Variants in PTPRD observed in about 807,000 individuals in gnomAD.
The protein encoded by PTPRD is protein tyrosine phosphatase receptor type D.
In PTPRD, 34 loss-of-function variants were observed where a neutral mutation model predicts 214.5. The ratio of observed to expected loss-of-function variants is 0.16; its 90% CI spans 0.12 to 0.21. PTPRD has a LOEUF of 0.21. Among genes scored for constraint, PTPRD ranks in the 10% least tolerant of loss-of-function variants. The probability of loss-of-function intolerance (pLI) is 1.00; values close to 1 mark genes in which losing one functional copy is unlikely to be tolerated. For synonymous variants in PTPRD, 1,128 were observed against 845.7 expected (o/e 1.33, Z -5.79); for missense variants, 2,545 against 2,398.7 (o/e 1.06, Z -1.27).
At chr9:9,791,151 G>T (rs2098964362) in intron 5 of PTPRD, among the ~76,000 whole-genome samples, 2 of 151,782 alleles carry the variant, frequency 1.3e-5, no homozygotes, top group African/African-American at 4.8e-5. Flanking sequence ...TTTTTGTTAT[G>T]CTGCATATAG....
chr9:9,178,860 C>T (rs910623826), intron 10 of PTPRD, among the ~76,000 whole-genome samples: 2 of 151,802 alleles, frequency 1.3e-5, no homozygotes, highest in Non-Finnish European at 2.9e-5. Flanking sequence ...TCTGGCCATA[C>T]AGTCTACATA....
chr9:10,204,915 A>G (rs1406544671), intron 3 of PTPRD, among the ~76,000 whole-genome samples: 1 of 152,156 alleles, frequency 6.6e-6, no homozygotes, highest in African/African-American at 2.4e-5. Flanking sequence ...TACTAAGGCT[A>G]TAGTCTGTGA....
At chr9:10,120,398 G>C (rs1013998447) in intron 3 of PTPRD, among the ~76,000 whole-genome samples, 1 of 151,818 alleles carries the variant, frequency 6.6e-6, no homozygotes, top group Non-Finnish European at 1.5e-5. Flanking sequence ...CACTTCATTG[G>C]TGAGGAAACT....
chr9:9,633,252 A>G (rs1379892151), intron 7 of PTPRD, among the ~76,000 whole-genome samples: 5 of 151,736 alleles, frequency 3.3e-5, no homozygotes, highest in African/African-American at 4.8e-5. Context: ...CCTAGATCAC[A>G]CCACTGCATT....
chr9:8,629,792 C>G (rs577206976), intron 14 of PTPRD, among the ~76,000 whole-genome samples: 2 of 151,782 alleles, frequency 1.3e-5, no homozygotes, highest in Non-Finnish European at 2.9e-5. Flanking sequence ...TCACCTCCCC[C>G]CTCTCCTACT....
chr9:8,380,112 C>A (rs1238438752), intron 37 of PTPRD, among the ~76,000 whole-genome samples: 2 of 151,986 alleles, frequency 1.3e-5, no homozygotes, highest in Non-Finnish European at 2.9e-5. Context: ...TTATAAATTA[C>A]CTAAATCAGT....
chr9:8,779,542 T>C (rs1470440859), intron 11 of PTPRD, among the ~76,000 whole-genome samples: 1 of 152,146 alleles, frequency 6.6e-6, no homozygotes, highest in African/African-American at 2.4e-5. Context: ...CTGTCATACA[T>C]ATTATTACAA....
chr9:8,525,870 G>A (rs78933253), intron 17 of PTPRD, among the ~76,000 whole-genome samples: 1,955 of 151,976 alleles, frequency 0.013, 16 homozygotes, highest in Non-Finnish European at 0.02. Context: ...ACACTGAGTC[G>A]AAGTATGAAA....
chr9:9,796,889 G>A (rs567071963), intron 5 of PTPRD, among the ~76,000 whole-genome samples: 2 of 152,214 alleles, frequency 1.3e-5, no homozygotes, highest in Admixed American at 1.3e-4. Context: ...TTGGAGAGAA[G>A]TATACACCAT....
At chr9:9,860,838 A>G (rs1361471481) in intron 5 of PTPRD, among the ~76,000 whole-genome samples, 14 of 152,224 alleles carry the variant, frequency 9.2e-5, no homozygotes, top group Admixed American at 9.2e-4. Context: ...CAAAGCACAA[A>G]ACAGAGATGT....
chr9:9,605,766 C>G (rs766350801), intron 7 of PTPRD, among the ~76,000 whole-genome samples: 1 of 151,944 alleles, frequency 6.6e-6, no homozygotes, highest in Non-Finnish European at 1.5e-5. Context: ...GTTACAAATG[C>G]TTGTTATTAT....
At chr9:9,419,570 T>C (rs1456113936) in intron 8 of PTPRD, among the ~76,000 whole-genome samples, 1 of 151,780 alleles carries the variant, frequency 6.6e-6, no homozygotes, top group Non-Finnish European at 1.5e-5. Context: ...CCCCAATATG[T>C]ATATTGTTTA....
intron 43 of PTPRD, among the ~76,000 whole-genome samples, chr9:8,337,117 T>C (rs888943457): frequency 6.6e-6 from 1 of 152,230 alleles, no homozygotes; most frequent in Non-Finnish European, 1.5e-5. Context: ...CAAAGGATTA[T>C]AAATCATTCT....
intron 22 of PTPRD, 142 bp downstream of exon 22, chr9:8,507,159 C>T (rs757744023): frequency 1.2e-5 from 11 of 921,424 alleles, no homozygotes; most frequent in Non-Finnish European, 1.7e-5. Flanking sequence ...GAGGGGGAGT[C>T]AAGTTCCTCT....
chr9:8,595,109 C>T (rs181645746), intron 14 of PTPRD, among the ~76,000 whole-genome samples: 179 of 151,244 alleles, frequency 1.2e-3, no homozygotes, highest in African/African-American at 3.8e-3. Context: ...ATGATCTGCC[C>T]GCCTCGGCCT....
At chr9:10,612,549 G>C (rs1323422425) in intron 1 of PTPRD, 44 bp from the exon 2 acceptor site, 4 of 152,258 alleles carry the variant, frequency 2.6e-5, no homozygotes, top group Non-Finnish European at 5.9e-5. Flanking sequence ...GTCAGGGTTT[G>C]GCTTTGGTGG....
rs534003318 is a variant in PTPRD, at chr9:9,678,567, A to G, written c.-287+55966T>C. Among the ~76,000 whole-genome samples the G allele has an allele frequency of 3.9e-5, 6 of 152,086 alleles. No individual in the cohort carries two copies. In the South Asian group the frequency reaches 8.3e-4, roughly 21 times the overall value. Reference sequence around the variant, plus strand: ...TTAGATACCTCAAAGATATTTAATAAAAATTATAGTGAACATCATTATTAA... The same window carrying G: ...TTAGATACCTCAAAGATATTTAATAGAAATTATAGTGAACATCATTATTAA... On this transcript the variant is annotated intron_variant, in intron 7 of 45. Transcript: ENST00000381196.
At chr9:9,929,124 A>C (rs2085431618) in intron 5 of PTPRD, among the ~76,000 whole-genome samples, 1 of 152,128 alleles carries the variant, frequency 6.6e-6, no homozygotes, top group Non-Finnish European at 1.5e-5. Flanking sequence ...TATGTCACTA[A>C]CTCTGTGATC....
At chr9:8,509,382 T>C (rs562134775) in intron 21 of PTPRD, among the ~76,000 whole-genome samples, 36 of 152,334 alleles carry the variant, frequency 2.4e-4, no homozygotes, top group African/African-American at 7.9e-4. Context: ...AGGCTAAAAA[T>C]GCACACATAT....
Sources: allele counts gnomAD v4.1 joint callset (sites outside exome capture counted in the v4.1 genomes callset), GRCh38; gene constraint gnomAD v4.1.1; transcripts MANE v1.5; gene names NCBI Gene and HGNC (gene_info 2026-07-23, HGNC 2026-07-21).